TCF12: variants seen among roughly 807,000 people sequenced by gnomAD.
The protein encoded by TCF12 is DNA-binding protein HTF4.
A neutral mutation model predicts 86.0 loss-of-function variants in TCF12; 45 were observed. The ratio of observed to expected loss-of-function variants is 0.52; its 90% CI spans 0.41 to 0.67. The LOEUF is 0.67. Among genes scored for constraint, TCF12 ranks in the 30% least tolerant of loss-of-function variants. The pLI is 0.00. For missense variants in TCF12, 881 were observed against 859.9 expected (o/e 1.02, Z -0.31); for synonymous variants, 330 against 299.6 (o/e 1.10, Z -1.05).
rs759680769 is a variant in TCF12 at position 56,921,092 on chromosome 15, G to A, written c.142G>A (p.Gly48Arg). Residue 48 changes from glycine (G) to arginine (R), a missense_variant, in exon 3 of 21, where the codon GGA (glycine) becomes AGA (arginine). Physicochemically the swap from Gly to Arg is moderately radical, Grantham distance 125 (BLOSUM62 -2). Around this residue, in one of 3 missense-constraint regions of TCF12, gnomAD observed 766 missense variants for 718.9 expected, o/e 1.07. Transcript: ENST00000333725. The stretch of plus-strand genomic sequence containing the variant: ...TACACTGGGAAGCAGTCAATTCAGT[G>A]GATCAGGTAAGATGATGTCTTAAAC... ...PTTLGSSQFS[G>R]SGIDERGGTT... 30 of 1,607,030 alleles carry A rather than the reference G, an allele frequency of 1.9e-5. No individual in the cohort carries two copies. Among genetic ancestry groups the A allele is most frequent in the Non-Finnish European group, 2.6e-5 (30 of 1,176,258 alleles).
At chr15:57,151,834 A>G (rs556853923) in intron 5 of TCF12, among the ~76,000 whole-genome samples, 2 of 152,268 alleles carry the variant, frequency 1.3e-5, no homozygotes, top group South Asian at 4.2e-4. Context: ...AAGAGGCCCA[A>G]GCACACAGTT....
chr15:57,232,704 C>T lies in TCF12; in HGVS notation c.826-8C>T. The stretch of plus-strand genomic sequence containing the variant: ...TATATTTAATAGATCATATCTCTTT[C>T]CATCTAGAGTTATCCTCCACACTCA... On this transcript the variant is annotated splice_polypyrimidine_tract_variant and splice_region_variant and intron_variant, in intron 10 of 20. Transcript: ENST00000333725. The T allele has an allele frequency of 6.2e-7, 1 of 1,607,222 alleles. No individual in the cohort carries two copies. The highest frequency in any genetic ancestry group is 8.5e-7 in the Non-Finnish European group (1 of 1,177,372).
intron 3 of TCF12, among the ~76,000 whole-genome samples, chr15:57,033,732 C>T (rs1567291466): frequency 6.6e-6 from 1 of 152,070 alleles, no homozygotes; most frequent in Non-Finnish European, 1.5e-5. Context: ...TATTAGCTTT[C>T]TTGCTTATTT....
chr15:57,216,215 T>C (rs2058324214), intron 8 of TCF12, among the ~76,000 whole-genome samples: 3 of 152,254 alleles, frequency 2.0e-5, no homozygotes, highest in African/African-American at 7.2e-5. Flanking sequence ...AGTTTGCTAA[T>C]AAAAGGTATA....
intron 12 of TCF12, 146 bp downstream of exon 12, chr15:57,234,253 T>G: frequency 1.5e-6 from 1 of 681,898 alleles, no homozygotes; most frequent in Non-Finnish European, 2.6e-6. Context: ...CGGTTTGTAT[T>G]GATATATGCC....
chr15:56,968,868 G>A (rs545736728), intron 3 of TCF12, among the ~76,000 whole-genome samples: 6 of 152,256 alleles, frequency 3.9e-5, no homozygotes, highest in Admixed American at 2.0e-4. Flanking sequence ...ACATTGGTTT[G>A]GTTTGGTTTG....
At chr15:57,064,540 A>C (rs1361355404) in intron 4 of TCF12, among the ~76,000 whole-genome samples, 1 of 152,120 alleles carries the variant, frequency 6.6e-6, no homozygotes. Context: ...CATGCCTGTA[A>C]TCCCAGCACT....
chr15:57,250,543 A>G (rs2152004159), intron 13 of TCF12, among the ~76,000 whole-genome samples: 1 of 152,268 alleles, frequency 6.6e-6, no homozygotes, highest in East Asian at 1.9e-4. Context: ...AGCCTGGCCA[A>G]CGTAGTGAAA....
chr15:57,150,878 CCTTCCTTCCTTCCTT>C (rs1567521024), intron 5 of TCF12, among the ~76,000 whole-genome samples: 977 of 95,632 alleles, frequency 0.01, 38 homozygotes, highest in Admixed American at 0.011. Context: ...TCTGTCCCTT[CCTTCCTTCCTTCCTT>C]CCTTCCTTCC....
chr15:56,932,071 C>A (rs890564561), intron 3 of TCF12, among the ~76,000 whole-genome samples: 1 of 152,104 alleles, frequency 6.6e-6, no homozygotes, highest in Non-Finnish European at 1.5e-5. Flanking sequence ...GTGCCTGTAG[C>A]GAGCAGACTC....
intron 3 of TCF12, among the ~76,000 whole-genome samples, chr15:56,922,202 A>G (rs1199057642): frequency 6.6e-6 from 1 of 151,972 alleles, no homozygotes; most frequent in Non-Finnish European, 1.5e-5. Flanking sequence ...GTGTTGATAC[A>G]TCTCATTTTT....
rs531441771 is a variant in TCF12 at position 57,009,724 on chromosome 15, A to G, written c.149-54026A>G. On this transcript the variant is annotated intron_variant, in intron 3 of 20. Transcript: ENST00000333725. ...TTAAGTTCACGTAGGACATTTCTTA[A>G]TTTCTCAACTCAAATTTATTGTGCT... is the stretch of plus-strand genomic sequence containing the variant. Among the ~76,000 whole-genome samples, 199 of 152,310 alleles carry G rather than the reference A, an allele frequency of 1.3e-3. 5 individuals carry two copies. The South Asian group carries it at 0.04, about 31-fold the overall frequency.
chr15:57,237,497 A>G lies in TCF12; in HGVS notation c.1035+3390A>G, dbSNP rs558417706. ...GAGGAGGAGTCTCATTTGTTGGAGT[A>G]AAATGAGGCATATTACCGTTTAAGC... On this transcript the variant is annotated intron_variant, in intron 12 of 20. Coordinates refer to ENST00000333725, the MANE Select transcript of TCF12 (RefSeq NM_207037.2). Among the ~76,000 whole-genome samples the G allele has an allele frequency of 3.9e-5, 6 of 152,306 alleles. No homozygotes were observed. The South Asian group carries it at 1.2e-3, about 32-fold the overall frequency.
chr15:57,248,039 C>T, intron 13 of TCF12: 1 of 704,416 alleles, frequency 1.4e-6, no homozygotes, highest in Non-Finnish European at 2.6e-6. Flanking sequence ...GGTTTTACCT[C>T]CATTTTGAGA....
intron 16 of TCF12, among the ~76,000 whole-genome samples, chr15:57,258,178 G>A (rs1317375245): frequency 2.0e-5 from 3 of 152,092 alleles, no homozygotes; most frequent in Non-Finnish European, 4.4e-5. Flanking sequence ...GTACTTGTGA[G>A]AAAGAGGTGA....
chr15:57,226,049 T>G (rs1383488453), intron 8 of TCF12, among the ~76,000 whole-genome samples: 1 of 144,076 alleles, frequency 6.9e-6, no homozygotes, highest in African/African-American at 2.6e-5. Context: ...AATTAATAAT[T>G]TAAACACTAA....
intron 8 of TCF12, among the ~76,000 whole-genome samples, chr15:57,216,254 T>C (rs1231589110): frequency 6.6e-6 from 1 of 152,122 alleles, no homozygotes; most frequent in East Asian, 1.9e-4. Flanking sequence ...TTTGTCAGGG[T>C]CCTCTGGCAT....
intron 12 of TCF12, among the ~76,000 whole-genome samples, chr15:57,234,587 A>C (rs2059305553): frequency 6.6e-6 from 1 of 152,232 alleles, no homozygotes; most frequent in African/African-American, 2.4e-5. Context: ...TTGAAGAATC[A>C]TGTTAAAATG....
At chr15:57,232,952 A>T (rs1039162054) in intron 11 of TCF12, 96 bp downstream of exon 11, 3 of 758,996 alleles carry the variant, frequency 4.0e-6, no homozygotes, top group African/African-American at 1.9e-5. Context: ...TATATATATA[A>T]ATGTTATATA....
Sources: gnomAD v4.1 joint callset for allele counts (sites outside exome capture counted in the v4.1 genomes callset) on GRCh38, gnomAD v4.1.1 for gene constraint, gnomAD v4.1.1 regional missense constraint, MANE v1.5 for transcripts, NCBI Gene and HGNC (gene_info 2026-07-23, HGNC 2026-07-21) for gene names.